The following LRRC4C variants were observed in gnomAD, a reference collection of about 807,000 sequenced individuals.
LRRC4C encodes leucine rich repeat containing 4C.
A neutral mutation model predicts 33.6 loss-of-function variants in LRRC4C; 5 were observed. That is an observed-to-expected ratio of 0.15 (90% CI 0.08 to 0.31). The LOEUF is 0.31. LRRC4C is among the 10% of genes least tolerant of loss of function. The pLI, the probability that LRRC4C is intolerant of heterozygous loss-of-function variation, is 1.00. For missense variants in LRRC4C, 560 were observed against 796.7 expected (o/e 0.70, Z 3.58); for synonymous variants, 329 against 302.0 (o/e 1.09, Z -0.93).
In LRRC4C at chr11:40,921,398, CCTT is replaced by C. The variant is rs558993515; in HGVS notation, c.-407+12234_-407+12236del. On this transcript the variant is annotated intron_variant, in intron 2 of 6. Coordinates refer to ENST00000528697, the MANE Select transcript of LRRC4C (RefSeq NM_001258419.2). Reference sequence around the variant, plus strand: ...AATGATGTCTAGAAGCTGAGAATGACCTTCTGCTGACAGCCAGCCAGGAGAAAA... The same window carrying C: ...AATGATGTCTAGAAGCTGAGAATGACCTGCTGACAGCCAGCCAGGAGAAAA... Among the ~76,000 whole-genome samples, 257 of 152,258 alleles carry C rather than the reference CCTT, an allele frequency of 1.7e-3. 1 individual carries two copies. Among genetic ancestry groups the C allele is most frequent in the African/African-American group, 5.6e-3 (234 of 41,558 alleles).
intron 3 of LRRC4C, among the ~76,000 whole-genome samples, chr11:40,610,601 C>T (rs1038568490): frequency 6.6e-6 from 1 of 151,736 alleles, no homozygotes; most frequent in African/African-American, 2.4e-5. Flanking sequence ...TTCACAAACA[C>T]ATAATTTTAT....
chr11:40,770,910 C>T (rs1949727493), intron 2 of LRRC4C, among the ~76,000 whole-genome samples: 1 of 152,142 alleles, frequency 6.6e-6, no homozygotes, highest in Non-Finnish European at 1.5e-5. Flanking sequence ...ACCCCCCCTC[C>T]CAGCTGTTTT....
At chr11:40,461,817 T>A (rs947826056) in intron 3 of LRRC4C, among the ~76,000 whole-genome samples, 3 of 151,420 alleles carry the variant, frequency 2.0e-5, no homozygotes, top group Non-Finnish European at 4.4e-5. Context: ...AAATAATGGA[T>A]GGGAAATCAT....
intron 3 of LRRC4C, among the ~76,000 whole-genome samples, chr11:40,586,104 T>C (rs1958725482): frequency 6.8e-6 from 1 of 147,750 alleles, no homozygotes; most frequent in Non-Finnish European, 1.5e-5. Context: ...TGTAAAAGTG[T>C]TCCTATTTCT....
chr11:40,820,176 C>T (rs1476201320), intron 2 of LRRC4C, among the ~76,000 whole-genome samples: 4 of 151,890 alleles, frequency 2.6e-5, no homozygotes, highest in Non-Finnish European at 5.9e-5. Flanking sequence ...TCAATAGAAA[C>T]TGTCTAAGTA....
chr11:40,931,874 G>A (rs555881892), intron 2 of LRRC4C, among the ~76,000 whole-genome samples: 32 of 151,998 alleles, frequency 2.1e-4, no homozygotes, highest in Non-Finnish European at 3.7e-4. Context: ...TTTACCAAAG[G>A]TAGTGCTAAA....
At chr11:40,886,508 T>C (rs1955464083) in intron 2 of LRRC4C, among the ~76,000 whole-genome samples, 1 of 151,110 alleles carries the variant, frequency 6.6e-6, no homozygotes, top group Non-Finnish European at 1.5e-5. Context: ...CTAGAAAAGG[T>C]AATTCTCAAA....
intron 5 of LRRC4C, among the ~76,000 whole-genome samples, chr11:40,206,133 A>G (rs983150532): frequency 1.1e-4 from 16 of 152,216 alleles, no homozygotes; most frequent in Non-Finnish European, 2.1e-4. Flanking sequence ...AACACATCAT[A>G]TATCTCAATA....
chr11:40,202,865 A>G lies in LRRC4C; in HGVS notation c.-96+38654T>C, dbSNP rs1300912593. Among the ~76,000 whole-genome samples, 10 of 152,374 alleles carry G rather than the reference A, an allele frequency of 6.6e-5. No individual in the cohort carries two copies. The South Asian group carries it at 1.7e-3, about 25-fold the overall frequency. ...CATTTTCCCTGACCTAACATCCTGC[A>G]GAGCAGGACAGAAGAGGGCTCAGCT... On this transcript the variant is annotated intron_variant, in intron 5 of 6. Coordinates refer to ENST00000528697, the MANE Select transcript of LRRC4C (RefSeq NM_001258419.2).
chr11:40,500,779 T>C (rs1954724601), intron 3 of LRRC4C, among the ~76,000 whole-genome samples: 1 of 152,096 alleles, frequency 6.6e-6, no homozygotes, highest in Non-Finnish European at 1.5e-5. Flanking sequence ...TTTCACACCT[T>C]GCCCCTGCCA....
chr11:41,101,209 A>C (rs1053149839), intron 1 of LRRC4C, among the ~76,000 whole-genome samples: 7 of 152,340 alleles, frequency 4.6e-5, no homozygotes, highest in African/African-American at 1.7e-4. Flanking sequence ...CAACAGAGTA[A>C]ATAGGCCACC....
intron 1 of LRRC4C, among the ~76,000 whole-genome samples, chr11:41,347,630 TTTGA>T (rs1200861472): frequency 1.3e-5 from 2 of 152,346 alleles, no homozygotes; most frequent in African/African-American, 2.4e-5. Flanking sequence ...GTAAATATTA[TTTGA>T]TTGTACAAAT....
At chr11:40,600,407 G>T (rs931944709) in intron 3 of LRRC4C, among the ~76,000 whole-genome samples, 30 of 152,238 alleles carry the variant, frequency 2.0e-4, no homozygotes, top group African/African-American at 5.5e-4. Flanking sequence ...TCAAAAGCAG[G>T]TCTGTTTTAC....
chr11:40,119,152 T>C (rs1036327757), intron 6 of LRRC4C, among the ~76,000 whole-genome samples: 1 of 152,174 alleles, frequency 6.6e-6, no homozygotes, highest in African/African-American at 2.4e-5. Flanking sequence ...GAGGCTTTTT[T>C]CCCCTCAGTA....
At chr11:40,829,894 G>A (rs1952334516) in intron 2 of LRRC4C, among the ~76,000 whole-genome samples, 1 of 151,854 alleles carries the variant, frequency 6.6e-6, no homozygotes, top group South Asian at 2.1e-4. Context: ...GACACAATGA[G>A]GTGTGTTTAA....
intron 2 of LRRC4C, among the ~76,000 whole-genome samples, chr11:40,731,590 C>T (rs756101441): frequency 7.2e-5 from 11 of 152,116 alleles, no homozygotes; most frequent in Non-Finnish European, 1.2e-4. Flanking sequence ...ACTCCCATTA[C>T]GACATTATTC....
intron 4 of LRRC4C, among the ~76,000 whole-genome samples, chr11:40,264,790 G>A (rs1942128223): frequency 6.6e-6 from 1 of 152,108 alleles, no homozygotes; most frequent in Admixed American, 6.6e-5. Flanking sequence ...AAGAATGGGG[G>A]CCCCTCCCAC....
intron 5 of LRRC4C, among the ~76,000 whole-genome samples, chr11:40,142,782 C>T (rs1277997069): frequency 1.3e-5 from 2 of 152,054 alleles, no homozygotes; most frequent in Non-Finnish European, 2.9e-5. Flanking sequence ...TAAACACCAT[C>T]TATAAACTGA....
In LRRC4C at chr11:40,115,749, A is replaced by G; in HGVS notation, c.544T>C (p.Leu182=). The part of the protein sequence containing the change: ...PSLRRLDLGE[L]KRLSYISEGA... ...TCTGAGATGTATGAAAGTCTTTTCA[A>G]TTCCCCTAAGTCTAGTCGGCGCAAA... The change falls in exon 7 of 7, where the codon TTG becomes CTG. Residue 182 remains leucine, a synonymous_variant. Coordinates refer to ENST00000528697, the MANE Select transcript of LRRC4C (RefSeq NM_001258419.2). The surrounding 1 kb of genome is among the most constrained non-coding windows in gnomAD (Gnocchi z 6.7). 3 of 1,614,218 alleles carry G rather than the reference A, an allele frequency of 1.9e-6. No homozygotes were observed. Among genetic ancestry groups the G allele is most frequent in the East Asian group, 2.2e-5 (1 of 44,874 alleles).
Sources: allele counts gnomAD v4.1 joint callset (sites outside exome capture counted in the v4.1 genomes callset), GRCh38; gene constraint gnomAD v4.1.1; non-coding constraint Gnocchi (gnomAD v3.1); transcripts MANE v1.5; gene names NCBI Gene and HGNC (gene_info 2026-07-23, HGNC 2026-07-21).